APBA1: variants seen among roughly 807,000 people sequenced by gnomAD.
APBA1 encodes amyloid beta precursor protein binding family A member 1, also known as amyloid-beta A4 precursor protein-binding family A member 1.
In APBA1, 55 loss-of-function variants were observed where a neutral mutation model predicts 86.6. The ratio of observed to expected loss-of-function variants is 0.64; its 90% CI spans 0.51 to 0.80. The LOEUF (loss-of-function observed/expected upper bound fraction) is 0.80, where lower values mean the gene tolerates loss of function less well. Among genes scored for constraint, APBA1 ranks in the 30% least tolerant of loss-of-function variants. The probability of loss-of-function intolerance (pLI) is 0.00; values close to 1 mark genes in which losing one functional copy is unlikely to be tolerated. For synonymous variants in APBA1, 511 were observed against 493.9 expected (o/e 1.03, Z -0.46); for missense variants, 1,090 against 1,183.0 (o/e 0.92, Z 1.15).
chr9:69,603,214 A>G (rs1368918216), intron 1 of APBA1, among the ~76,000 whole-genome samples: 2 of 152,202 alleles, frequency 1.3e-5, no homozygotes, highest in African/African-American at 2.4e-5. Flanking sequence ...CAGATTTAAA[A>G]CCAAAATAAT....
intron 11 of APBA1, among the ~76,000 whole-genome samples, chr9:69,434,180 T>A (rs1834654999): frequency 6.6e-6 from 1 of 152,208 alleles, no homozygotes; most frequent in African/African-American, 2.4e-5. Context: ...GGGAGTCAGC[T>A]GCTCTGCGGG....
chr9:69,638,837 G>A (rs1190958063), intron 1 of APBA1, among the ~76,000 whole-genome samples: 1 of 152,076 alleles, frequency 6.6e-6, no homozygotes, highest in Non-Finnish European at 1.5e-5. Context: ...GTATGTTTTT[G>A]AAATTTTGAA....
chr9:69,541,573 T>C (rs1836614684), intron 1 of APBA1, among the ~76,000 whole-genome samples: 1 of 151,204 alleles, frequency 6.6e-6, no homozygotes, highest in East Asian at 1.9e-4. Flanking sequence ...GGTTTCTTGC[T>C]GTGGAGTTGT....
At chr9:69,624,163 G>A (rs1822881584) in intron 1 of APBA1, among the ~76,000 whole-genome samples, 1 of 152,138 alleles carries the variant, frequency 6.6e-6, no homozygotes, top group Non-Finnish European at 1.5e-5. Flanking sequence ...AAATCAAACA[G>A]TCTCTAAATA....
chr9:69,441,149 A>C, intron 10 of APBA1, 34 bp from the exon 11 acceptor site: 1 of 1,596,878 alleles, frequency 6.3e-7, no homozygotes, highest in Non-Finnish European at 8.5e-7. Context: ...GGGTATGGTG[A>C]CCACTGAGGC....
intron 2 of APBA1, among the ~76,000 whole-genome samples, chr9:69,495,608 G>A (rs1373021646): frequency 6.6e-6 from 1 of 152,076 alleles, no homozygotes; most frequent in Non-Finnish European, 1.5e-5. Context: ...TCACTGCTGG[G>A]CATCAGCAGC....
At chr9:69,449,545 G>C in intron 10 of APBA1, 39 bp downstream of exon 10, 1 of 1,548,122 alleles carries the variant, frequency 6.5e-7, no homozygotes, top group Non-Finnish European at 8.9e-7. Flanking sequence ...CATCACTTGA[G>C]GTTTACCACA....
intron 1 of APBA1, among the ~76,000 whole-genome samples, chr9:69,547,714 G>T (rs879321046): frequency 2.0e-5 from 3 of 152,212 alleles, no homozygotes; most frequent in Non-Finnish European, 4.4e-5. Context: ...TACCCTAAAA[G>T]AACCAAAGCC....
chr9:69,669,302 G>A (rs1564108088), intron 1 of APBA1, among the ~76,000 whole-genome samples: 1 of 152,100 alleles, frequency 6.6e-6, no homozygotes, highest in East Asian at 1.9e-4. Context: ...GGCCCCAGAG[G>A]TCAATTTTCA....
intron 10 of APBA1, among the ~76,000 whole-genome samples, chr9:69,443,526 C>A (rs1275972732): frequency 2.6e-5 from 4 of 152,146 alleles, no homozygotes; most frequent in Non-Finnish European, 4.4e-5. Flanking sequence ...CTATGTCATG[C>A]AGGAACACCC....
chr9:69,534,213 A>G (rs767689526), intron 1 of APBA1, among the ~76,000 whole-genome samples: 4 of 152,242 alleles, frequency 2.6e-5, no homozygotes, highest in African/African-American at 9.6e-5. Context: ...TGCCATTTAT[A>G]TATGGCTATT....
chr9:69,445,689 C>T lies in APBA1; in HGVS notation c.2181+3895G>A, dbSNP rs573920254. Among the ~76,000 whole-genome samples the T allele has an allele frequency of 2.0e-5, 3 of 152,204 alleles. No individual in the cohort carries two copies. The South Asian group carries it at 6.2e-4, about 32-fold the overall frequency. On this transcript the variant is annotated intron_variant, in intron 10 of 12. Coordinates refer to ENST00000265381, the MANE Select transcript of APBA1 (RefSeq NM_001163.4). ...AATGTTCCACCCACCAATAATTATG[C>T]CTTGGGAATTAATTATGACCCAAAA...
At chr9:69,577,464 G>A (rs1200088298) in intron 1 of APBA1, among the ~76,000 whole-genome samples, 2 of 152,124 alleles carry the variant, frequency 1.3e-5, no homozygotes, top group Non-Finnish European at 2.9e-5. Flanking sequence ...CAGCACACAA[G>A]GGGAACAGTT....
At chr9:69,640,799 C>CA (rs1280331962) in intron 1 of APBA1, among the ~76,000 whole-genome samples, 2 of 152,022 alleles carry the variant, frequency 1.3e-5, no homozygotes, top group Admixed American at 1.3e-4. Flanking sequence ...AGAGCATCTG[C>CA]AAAAAACCTG....
At chr9:69,494,176 G>A (rs1206888710) in intron 2 of APBA1, 1 of 152,060 alleles carries the variant, frequency 6.6e-6, no homozygotes, top group Non-Finnish European at 1.5e-5. Context: ...TGGGCTTAAT[G>A]AACTGTTTTA....
intron 1 of APBA1, among the ~76,000 whole-genome samples, chr9:69,650,182 T>C (rs1447115932): frequency 2.0e-5 from 3 of 152,138 alleles, no homozygotes; most frequent in Non-Finnish European, 4.4e-5. Flanking sequence ...CTTGGGCAAG[T>C]CACTTAACCT....
At chr9:69,608,504 T>C (rs539178674) in intron 1 of APBA1, among the ~76,000 whole-genome samples, 19 of 152,266 alleles carry the variant, frequency 1.2e-4, no homozygotes, top group African/African-American at 4.3e-4. Flanking sequence ...ACAAGAATGA[T>C]GGTAGACTGA....
intron 8 of APBA1, among the ~76,000 whole-genome samples, chr9:69,452,530 G>T (rs980324765): frequency 6.6e-6 from 1 of 152,204 alleles, no homozygotes; most frequent in Admixed American, 6.5e-5. Flanking sequence ...GGAGCTACCG[G>T]CATTCAGCAG....
intron 1 of APBA1, among the ~76,000 whole-genome samples, chr9:69,581,323 T>A (rs897107342): frequency 6.6e-6 from 1 of 152,196 alleles, no homozygotes; most frequent in East Asian, 1.9e-4. Flanking sequence ...GATTCACTGA[T>A]AAAACATCCT....
Sources: gnomAD v4.1 joint callset for allele counts (sites outside exome capture counted in the v4.1 genomes callset) on GRCh38, gnomAD v4.1.1 for gene constraint, MANE v1.5 for transcripts, NCBI Gene and HGNC (gene_info 2026-07-23, HGNC 2026-07-21) for gene names.